Variants in SPEF2 observed in about 807,000 individuals in gnomAD.
SPEF2 encodes sperm flagellar and cilia associated 2.
In SPEF2, 187 loss-of-function variants were observed where a neutral mutation model predicts 224.6. The ratio of observed to expected loss-of-function variants is 0.83; its 90% confidence interval spans 0.74 to 0.94. SPEF2 has a LOEUF of 0.94. SPEF2 is among the 40% of genes least tolerant of loss of function. The probability of loss-of-function intolerance (pLI) is 0.00; values close to 1 mark genes in which losing one functional copy is unlikely to be tolerated. For synonymous variants in SPEF2, 715 were observed against 707.3 expected, an observed-to-expected ratio of 1.01 and a Z score of -0.17; for missense variants, 2,170 against 2,135.6, an observed-to-expected ratio of 1.02 and a Z score of -0.32.
chr5:35,620,126 A>G (rs1743300127), intron 1 of SPEF2, among the ~76,000 whole-genome samples: 3 of 152,236 alleles, frequency 2.0e-5, no homozygotes, highest in Admixed American at 2.0e-4. Context: ...CTTTGGGAAC[A>G]CACTTAACTG....
At chr5:35,805,217 T>A (rs1427513959) in intron 34 of SPEF2, among the ~76,000 whole-genome samples, 13 of 152,172 alleles carry the variant, frequency 8.5e-5, no homozygotes, top group African/African-American at 2.7e-4. Flanking sequence ...CTCTTTCTTT[T>A]TTCAAGCTTA....
chr5:35,789,893 T>C, intron 30 of SPEF2: 1 of 703,004 alleles, frequency 1.4e-6, no homozygotes, highest in Non-Finnish European at 2.6e-6. Flanking sequence ...GGATACTGAA[T>C]GGAGCATGTT....
chr5:35,769,351 T>A (rs1465714185), intron 26 of SPEF2, among the ~76,000 whole-genome samples: 1 of 152,018 alleles, frequency 6.6e-6, no homozygotes, highest in African/African-American at 2.4e-5. Flanking sequence ...GTATCTGGTA[T>A]TCATTTTTAT....
intron 24 of SPEF2, among the ~76,000 whole-genome samples, chr5:35,757,845 TGTGA>T (rs1750674810): frequency 6.6e-6 from 1 of 152,238 alleles, no homozygotes; most frequent in Non-Finnish European, 1.5e-5. Context: ...TGTTCTATAA[TGTGA>T]GACAATACAT....
At chr5:35,797,843 T>C (rs1269929833) in intron 33 of SPEF2, among the ~76,000 whole-genome samples, 1 of 152,170 alleles carries the variant, frequency 6.6e-6, no homozygotes, top group African/African-American at 2.4e-5. Flanking sequence ...CTGGCTCTGC[T>C]CCCAGTGCTG....
At chr5:35,638,694 C>A (rs1746175291) in intron 2 of SPEF2, among the ~76,000 whole-genome samples, 1 of 152,110 alleles carries the variant, frequency 6.6e-6, no homozygotes, top group African/African-American at 2.4e-5. Context: ...TATCAGAGTG[C>A]CTGCCACATG....
intron 4 of SPEF2, 92 bp downstream of exon 4, chr5:35,644,617 G>A (rs1747091282): frequency 1.0e-6 from 1 of 996,490 alleles, no homozygotes; most frequent in East Asian, 2.9e-5. Flanking sequence ...AGTAGTAGTG[G>A]AGCACAAGTT....
intron 36 of SPEF2, among the ~76,000 whole-genome samples, chr5:35,811,656 A>C (rs1320348637): frequency 6.6e-6 from 1 of 151,718 alleles, no homozygotes; most frequent in Non-Finnish European, 1.5e-5. Context: ...GAGATAATAC[A>C]TATAAAGTGT....
chr5:35,621,662 T>A (rs1415958962), intron 1 of SPEF2, among the ~76,000 whole-genome samples: 1 of 152,118 alleles, frequency 6.6e-6, no homozygotes, highest in African/African-American at 2.4e-5. Flanking sequence ...AGTGGCAAAA[T>A]TGGGTGAATT....
intron 13 of SPEF2, among the ~76,000 whole-genome samples, chr5:35,694,841 A>G (rs1328632326): frequency 6.6e-6 from 1 of 152,208 alleles, no homozygotes; most frequent in Non-Finnish European, 1.5e-5. Flanking sequence ...TACCAATACA[A>G]CTAAGTTTCC....
At chr5:35,667,430 A>AT (rs1303058677) in intron 9 of SPEF2, among the ~76,000 whole-genome samples, 171 bp downstream of exon 9, 1 of 152,130 alleles carries the variant, frequency 6.6e-6, no homozygotes, top group Non-Finnish European at 1.5e-5. Flanking sequence ...CTCACTGACT[A>AT]TTTTTATTTA....
chr5:35,687,073 G>A (rs1273792819), intron 10 of SPEF2, among the ~76,000 whole-genome samples: 1 of 152,040 alleles, frequency 6.6e-6, no homozygotes, highest in African/African-American at 2.4e-5. Flanking sequence ...GAGCATATAA[G>A]TGTTCACCCA....
chr5:35,639,788 G>A (rs1235021268), intron 2 of SPEF2, among the ~76,000 whole-genome samples: 1 of 151,794 alleles, frequency 6.6e-6, no homozygotes, highest in East Asian at 1.9e-4. Flanking sequence ...CTCTTAGCAA[G>A]CAAGGACTGC....
intron 21 of SPEF2, among the ~76,000 whole-genome samples, chr5:35,733,653 T>G (rs1453419600): frequency 6.6e-6 from 1 of 152,172 alleles, no homozygotes; most frequent in Non-Finnish European, 1.5e-5. Flanking sequence ...TTTAGAAGGA[T>G]CTTAAAATCT....
chr5:35,750,356 C>T (rs1749219247), intron 23 of SPEF2, among the ~76,000 whole-genome samples: 1 of 152,108 alleles, frequency 6.6e-6, no homozygotes, highest in South Asian at 2.1e-4. Flanking sequence ...ATCACTGGGA[C>T]CTAATTAAAC....
At chr5:35,774,687 A>T (rs1753361219) in intron 28 of SPEF2, among the ~76,000 whole-genome samples, 1 of 152,200 alleles carries the variant, frequency 6.6e-6, no homozygotes, top group South Asian at 2.1e-4. Context: ...GTCAATATAC[A>T]AGATGACAAA....
intron 36 of SPEF2, among the ~76,000 whole-genome samples, chr5:35,809,174 A>C (rs1333768805): frequency 2.0e-5 from 3 of 152,142 alleles, no homozygotes; most frequent in Non-Finnish European, 4.4e-5. Flanking sequence ...GTGCTACAGA[A>C]ATGATGGCTG....
chr5:35,657,425 G>T (rs753178822), intron 7 of SPEF2, among the ~76,000 whole-genome samples: 2 of 152,114 alleles, frequency 1.3e-5, no homozygotes, highest in Non-Finnish European at 2.9e-5. Flanking sequence ...GTAAGAAAAG[G>T]ATTGGTAGGG....
chr5:35,641,531 G>A lies in SPEF2; in HGVS notation c.262G>A (p.Glu88Lys), dbSNP rs951666930. ...GAATGTGGCCCATGGCATCATCACA[G>A]AAAAGCCTGGGGTGGCAACAAAGCT... ...DQNVAHGIIT[E>K]KPGVATKLLY... Residue 88 changes from glutamate (E) to lysine (K), a missense_variant, in exon 3 of 37, where the codon GAA becomes AAA. Physicochemically the swap from Glu to Lys is moderately conservative, Grantham distance 56. Coordinates refer to ENST00000356031, the MANE Select transcript of SPEF2 (RefSeq NM_024867.4). 1.9e-6 allele frequency: 3 copies of A among 1,613,824 alleles called. No homozygotes were observed. Among genetic ancestry groups the A allele is most frequent in the African/African-American group, 1.3e-5 (1 of 75,010 alleles).
Sources: gnomAD v4.1 joint callset for allele counts (sites outside exome capture counted in the v4.1 genomes callset) on GRCh38, gnomAD v4.1.1 for gene constraint, MANE v1.5 for transcripts, NCBI Gene and HGNC (gene_info 2026-07-23, HGNC 2026-07-21) for gene names.